The following ANK3 variants were observed in gnomAD, a reference collection of about 807,000 sequenced individuals.
ANK3 encodes ankyrin-3.
A neutral mutation model predicts 370.9 loss-of-function variants in ANK3; 57 were observed. The ratio of observed to expected loss-of-function variants is 0.15; its 90% CI spans 0.12 to 0.19. The LOEUF (loss-of-function observed/expected upper bound fraction) is 0.19. Among genes scored for constraint, ANK3 ranks in the 10% least tolerant of loss-of-function variants. ANK3 has a pLI of 1.00. For synonymous variants in ANK3, 1,929 were observed against 1,946.3 expected (o/e 0.99, Z 0.23); for missense variants, 4,439 against 5,302.1 (o/e 0.84, Z 5.06).
chr10:60,030,601 C>T (rs1187146271), intron 43 of ANK3, among the ~76,000 whole-genome samples: 1 of 152,150 alleles, frequency 6.6e-6, no homozygotes, highest in Non-Finnish European at 1.5e-5. Context: ...AAGCTTATGT[C>T]TCATGGCAGG....
chr10:60,546,649 T>C (rs576642118), intron 2 of ANK3, among the ~76,000 whole-genome samples: 1 of 152,318 alleles, frequency 6.6e-6, no homozygotes, highest in South Asian at 2.1e-4. Flanking sequence ...CTTTAGACAT[T>C]GTGGCCCCTC....
In ANK3 at chr10:60,186,708, G is replaced by A. The variant is rs779800086; in HGVS notation, c.2085+7C>T. 1 of 1,613,636 alleles carries A rather than the reference G, an allele frequency of 6.2e-7. No individual in the cohort carries two copies. Among genetic ancestry groups the A allele is most frequent in the Admixed American group, 1.7e-5 (1 of 59,978 alleles). On this transcript the variant is annotated splice_region_variant and intron_variant, in intron 17 of 43. Coordinates refer to ENST00000280772, the MANE Select transcript of ANK3 (RefSeq NM_020987.5). ...CTGCATGCTTTGTCAAGAAAGAAGT[G>A]GGTTACCTTATTGCTCAGGTTCACA...
At chr10:60,189,197 A>C (rs1335212292) in intron 16 of ANK3, among the ~76,000 whole-genome samples, 1 of 152,206 alleles carries the variant, frequency 6.6e-6, no homozygotes, top group East Asian at 1.9e-4. Context: ...TGTTTTAATC[A>C]AGAGAGCTGT....
chr10:60,162,503 G>A (rs1358130748), intron 23 of ANK3, among the ~76,000 whole-genome samples: 6 of 152,126 alleles, frequency 3.9e-5, no homozygotes, highest in African/African-American at 1.4e-4. Flanking sequence ...TTAATTTACT[G>A]TGGCTTCCAC....
At chr10:60,702,701 G>A (rs780487563) in intron 1 of ANK3, among the ~76,000 whole-genome samples, 2 of 152,076 alleles carry the variant, frequency 1.3e-5, no homozygotes, top group Non-Finnish European at 2.9e-5. Flanking sequence ...TAAAGAAAAC[G>A]AACTATGGGT....
chr10:60,332,426 A>G (rs1221637967), intron 1 of ANK3, among the ~76,000 whole-genome samples: 1 of 152,208 alleles, frequency 6.6e-6, no homozygotes, highest in South Asian at 2.1e-4. Context: ...CTGAGTATGT[A>G]GGTGTTGGCG....
intron 1 of ANK3, among the ~76,000 whole-genome samples, chr10:60,387,382 G>A (rs548714370): frequency 6.6e-6 from 1 of 152,192 alleles, no homozygotes; most frequent in South Asian, 2.1e-4. Context: ...GGTCATATAT[G>A]GCTATGCCAC....
intron 25 of ANK3, among the ~76,000 whole-genome samples, chr10:60,133,424 A>C (rs958049940): frequency 6.6e-6 from 1 of 152,222 alleles, no homozygotes; most frequent in African/African-American, 2.4e-5. Flanking sequence ...TATCTATTCA[A>C]CCACAATTAT....
At chr10:60,685,761 A>G (rs553643597) in intron 1 of ANK3, among the ~76,000 whole-genome samples, 1 of 152,200 alleles carries the variant, frequency 6.6e-6, no homozygotes, top group Non-Finnish European at 1.5e-5. Context: ...TTTCCATAAG[A>G]TGATAGTTGG....
intron 9 of ANK3, among the ~76,000 whole-genome samples, chr10:60,211,093 AG>A (rs1176735623): frequency 1.3e-5 from 2 of 152,198 alleles, no homozygotes; most frequent in Non-Finnish European, 2.9e-5. Context: ...AATCCCAAAA[AG>A]GCAAAGGCTG....
intron 2 of ANK3, among the ~76,000 whole-genome samples, chr10:60,494,839 T>C (rs1263303119): frequency 1.3e-5 from 2 of 152,202 alleles, no homozygotes; most frequent in African/African-American, 2.4e-5. Context: ...GGTATATCGA[T>C]GTAAATATAT....
intron 24 of ANK3, among the ~76,000 whole-genome samples, chr10:60,136,659 C>G (rs2132197011): frequency 6.6e-6 from 1 of 152,298 alleles, no homozygotes; most frequent in East Asian, 1.9e-4. Flanking sequence ...AACTGCAGAA[C>G]AGAGCCCTGA....
intron 1 of ANK3, among the ~76,000 whole-genome samples, chr10:60,641,385 A>G (rs556397418): frequency 4.6e-5 from 7 of 152,156 alleles, no homozygotes; most frequent in Non-Finnish European, 8.8e-5. Context: ...AAACTGTACT[A>G]CAAGGCTACA....
At chr10:60,291,921 C>A (rs1397322663) in intron 1 of ANK3, among the ~76,000 whole-genome samples, 3 of 152,082 alleles carry the variant, frequency 2.0e-5, no homozygotes, top group Admixed American at 2.0e-4. Context: ...GCCTTGTAAC[C>A]CAGGCTGTTC....
At chr10:60,386,224 C>T (rs2062279392) in intron 1 of ANK3, among the ~76,000 whole-genome samples, 1 of 152,064 alleles carries the variant, frequency 6.6e-6, no homozygotes, top group Non-Finnish European at 1.5e-5. Flanking sequence ...CACTGGTTGC[C>T]AACCTAAGCG....
intron 4 of ANK3, among the ~76,000 whole-genome samples, chr10:60,272,787 T>A (rs544858398): frequency 8.0e-5 from 12 of 150,864 alleles, no homozygotes; most frequent in East Asian, 5.8e-4. Context: ...TTTTTTTTTT[T>A]AATTCCAAAA....
At chr10:60,547,690 G>C (rs1338789289) in intron 2 of ANK3, among the ~76,000 whole-genome samples, 6 of 151,788 alleles carry the variant, frequency 4.0e-5, no homozygotes, top group African/African-American at 1.2e-4. Context: ...GAGAGACAGA[G>C]ACAGAGACAG....
At chr10:60,519,324 C>G (rs570991148) in intron 2 of ANK3, among the ~76,000 whole-genome samples, 87 of 152,212 alleles carry the variant, frequency 5.7e-4, no homozygotes, top group African/African-American at 2.0e-3. Flanking sequence ...ATTTAAGACA[C>G]TAGACAGGTG....
chr10:60,615,988 G>A (rs1362094795), intron 1 of ANK3, among the ~76,000 whole-genome samples: 2 of 152,018 alleles, frequency 1.3e-5, no homozygotes, highest in Non-Finnish European at 2.9e-5. Context: ...GTTTAAATAC[G>A]TAGAATGTAA....
Sources: allele counts gnomAD v4.1 joint callset (sites outside exome capture counted in the v4.1 genomes callset), GRCh38; gene constraint gnomAD v4.1.1; transcripts MANE v1.5; gene names NCBI Gene and HGNC (gene_info 2026-07-23, HGNC 2026-07-21).